The following COL22A1 variants were observed in gnomAD, a reference collection of about 807,000 sequenced individuals.
COL22A1 encodes collagen alpha-1(XXII) chain.
In COL22A1, 221 loss-of-function variants were observed where a neutral mutation model predicts 248.9. The observed-to-expected ratio is 0.89, with a 90% CI of 0.80 to 0.99. The LOEUF is 0.99. COL22A1 is among the 50% of genes least tolerant of loss of function. The probability of loss-of-function intolerance (pLI) is 0.00; values close to 1 mark genes in which losing one functional copy is unlikely to be tolerated. For missense variants in COL22A1, 2,240 were observed against 2,179.0 expected (o/e 1.03, Z -0.56); for synonymous variants, 891 against 793.4 (o/e 1.12, Z -2.07).
intron 55 of COL22A1, among the ~76,000 whole-genome samples, chr8:138,614,256 C>T (rs186243818): frequency 8.5e-5 from 13 of 152,282 alleles, no homozygotes; most frequent in East Asian, 7.7e-4. Context: ...TTTCCTGATT[C>T]GCTAGACGGT....
At chr8:138,826,839 AAGTGAGCCCACACAACCCAGC>A (rs1819623999) in intron 5 of COL22A1, 58 bp from the exon 6 acceptor site, 1 of 1,597,558 alleles carries the variant, frequency 6.3e-7, no homozygotes, top group Non-Finnish European at 8.5e-7. Context: ...GGAGCCAGCA[AAGTGAGCCCACACAACCCAGC>A]AGTGATCAAG....
intron 39 of COL22A1, among the ~76,000 whole-genome samples, chr8:138,680,623 T>A (rs1825885667): frequency 6.6e-6 from 1 of 152,172 alleles, no homozygotes; most frequent in African/African-American, 2.4e-5. Context: ...AATCAGCACC[T>A]GGGACAGTAC....
intron 3 of COL22A1, among the ~76,000 whole-genome samples, chr8:138,867,151 C>T (rs960631777): frequency 3.9e-5 from 6 of 152,304 alleles, no homozygotes; most frequent in African/African-American, 1.4e-4. Context: ...GAGCAGCCAT[C>T]GACAATACGT....
intron 5 of COL22A1, 49 bp downstream of exon 5, chr8:138,832,990 C>G: frequency 7.6e-7 from 1 of 1,316,568 alleles, no homozygotes; most frequent in Non-Finnish European, 1.1e-6. Context: ...CTTTCTTGCC[C>G]TTTCCCATGA....
At chr8:138,645,538 C>T (rs1246849513) in intron 47 of COL22A1, among the ~76,000 whole-genome samples, 2 of 152,190 alleles carry the variant, frequency 1.3e-5, no homozygotes, top group African/African-American at 4.8e-5. Flanking sequence ...TCACAACAGC[C>T]ACACTTTGTC....
chr8:138,607,874 G>T, intron 57 of COL22A1, 62 bp downstream of exon 57: 1 of 1,458,638 alleles, frequency 6.9e-7, no homozygotes, highest in Middle Eastern at 1.8e-4. Flanking sequence ...TCTGTAATGT[G>T]ATCCACAAGC....
At chr8:138,811,992 G>T in intron 8 of COL22A1, 71 bp from the exon 9 acceptor site, 1 of 1,455,434 alleles carries the variant, frequency 6.9e-7, no homozygotes, top group Non-Finnish European at 9.1e-7. Flanking sequence ...GAAGCACAGT[G>T]TCGGGTGCTT....
chr8:138,734,674 G>C (rs1830975630), intron 23 of COL22A1, among the ~76,000 whole-genome samples: 1 of 152,132 alleles, frequency 6.6e-6, no homozygotes, highest in African/African-American at 2.4e-5. Context: ...CCCATTACTG[G>C]GTATATACCC....
At chr8:138,677,127 C>T (rs905348546) in intron 40 of COL22A1, among the ~76,000 whole-genome samples, 10 of 152,160 alleles carry the variant, frequency 6.6e-5, no homozygotes, top group African/African-American at 9.7e-5. Flanking sequence ...TAAAGGGGAC[C>T]GAGATAAGAC....
At chr8:138,805,030 A>AATGGTGTGTGGTGGT in intron 10 of COL22A1, among the ~76,000 whole-genome samples, 1 of 38,972 alleles carries the variant, frequency 2.6e-5, no homozygotes, top group Admixed American at 2.3e-4. Context: ...TGTGTGTGAT[A>AATGGTGTGTGGTGGT]GTGTGTGTGA....
intron 47 of COL22A1, among the ~76,000 whole-genome samples, chr8:138,642,599 A>T (rs1821812553): frequency 6.6e-6 from 1 of 152,170 alleles, no homozygotes; most frequent in African/African-American, 2.4e-5. Flanking sequence ...GTTGAAGCAA[A>T]TTATAAGGGA....
intron 3 of COL22A1, among the ~76,000 whole-genome samples, chr8:138,851,233 TAAG>T (rs1032575505): frequency 2.6e-5 from 4 of 152,214 alleles, no homozygotes; most frequent in Admixed American, 6.5e-5. Context: ...AGCTGAGAGC[TAAG>T]AAGGAGACCA....
At chr8:138,602,285 A>G in intron 59 of COL22A1, 126 bp from the exon 60 acceptor site, 16 of 755,162 alleles carry the variant, frequency 2.1e-5, no homozygotes, top group Admixed American at 4.8e-5. Context: ...AGGTCCCCCG[A>G]GGGCTCCTTT....
chr8:138,605,555 A>G (rs1253024902), intron 58 of COL22A1, among the ~76,000 whole-genome samples: 1 of 152,064 alleles, frequency 6.6e-6, no homozygotes, highest in Non-Finnish European at 1.5e-5. Flanking sequence ...AGGGGCTACC[A>G]CCTCCAACGG....
Position 138,724,387 on chromosome 8 carries a change from C to T in COL22A1, c.2247+228G>A, listed in dbSNP as rs149957294. Among the ~76,000 whole-genome samples, 403 of 152,292 alleles carry T rather than the reference C, an allele frequency of 2.6e-3. 4 individuals carry two copies. Among genetic ancestry groups the T allele is most frequent in the African/African-American group, 9.2e-3 (382 of 41,574 alleles). On this transcript the variant is annotated intron_variant, in intron 25 of 64. Transcript: ENST00000303045. ...TGGCCTAGGGACTGTGGTCCTAATC[C>T]GCACCCTGGCCAGGGCACCCAGGGA...
At position 138,612,964 on chromosome 8, in the gene COL22A1, A is replaced by C. The variant is rs773984015; in HGVS notation, c.3978+903T>G. 3.8e-3 allele frequency among the ~76,000 whole-genome samples: 493 copies of C among 130,220 alleles called. 8 individuals are homozygous for C. The highest frequency in any genetic ancestry group is 6.3e-3 in the Non-Finnish European group (382 of 60,942). The allele number at this position is 130,220 out of a possible 152,430, so 85.4% of individuals were successfully genotyped here. A position where few individuals can be genotyped will look rare whatever the true frequency, so the allele number is the denominator to read the frequency against. On this transcript the variant is annotated intron_variant, in intron 56 of 64. Transcript: ENST00000303045. ...AAAAAAAAAAAAAAAAAAAAAAAGC[A>C]GGGGCTGGGCACGGTGGCTTACGCC... is the stretch of plus-strand genomic sequence containing the variant.
chr8:138,662,188 C>T lies in COL22A1; in HGVS notation c.3187-105G>A, dbSNP rs528230685. 1.8e-5 allele frequency: 16 copies of T among 898,912 alleles called. No individual in the cohort carries two copies. The East Asian group carries it at 3.1e-4, about 17-fold the overall frequency. The allele number at this position is 898,912 out of a possible 1,614,324, so 55.7% of individuals were successfully genotyped here. On this transcript the variant is annotated intron_variant, in intron 42 of 64. Transcript: ENST00000303045. ...CTCTCCTTCAACACATGGTCTGTTG[C>T]TATGAGGAATCTGATGCAACATGTG...
chr8:138,832,990 C>T (rs770457725), intron 5 of COL22A1, 49 bp downstream of exon 5: 3 of 1,316,568 alleles, frequency 2.3e-6, no homozygotes, highest in South Asian at 1.2e-5. Flanking sequence ...CTTTCTTGCC[C>T]TTTCCCATGA....
rs2131834962 is a variant in COL22A1 at position 138,602,163 on chromosome 8, C to A, written c.4141-4G>T. 1.9e-6 allele frequency: 3 copies of A among 1,614,082 alleles called. No individual in the cohort carries two copies. Among genetic ancestry groups the A allele is most frequent in the South Asian group, 1.1e-5 (1 of 91,074 alleles). On this transcript the variant is annotated splice_polypyrimidine_tract_variant and splice_region_variant and intron_variant, in intron 59 of 64. Transcript: ENST00000303045. ...CTCCAGGCTTCCCAGGGACCCCCTG[C>A]AAGGAGAAAGAAAGGACAGTCATTG... is the stretch of plus-strand genomic sequence containing the variant.
Sources: gnomAD v4.1 joint callset for allele counts (sites outside exome capture counted in the v4.1 genomes callset) on GRCh38, gnomAD v4.1.1 for gene constraint, MANE v1.5 for transcripts, NCBI Gene and HGNC (gene_info 2026-07-23, HGNC 2026-07-21) for gene names.